Variants in CSMD1 observed in about 807,000 individuals in gnomAD.
CSMD1 encodes the protein CUB and sushi domain-containing protein 1.
A neutral mutation model predicts 417.5 loss-of-function variants in CSMD1; 213 were observed. The observed-to-expected ratio is 0.51, with a 90% CI of 0.46 to 0.57. The LOEUF is 0.57. CSMD1 is among the 20% of genes least tolerant of loss of function. The pLI, the probability that CSMD1 is intolerant of heterozygous loss-of-function variation, is 0.00. For missense variants in CSMD1, 6,923 were observed against 4,529.7 expected (o/e 1.53, Z -15.17); for synonymous variants, 2,862 against 1,736.8 (o/e 1.65, Z -16.11).
chr8:3,204,732 G>C (rs138767209), intron 31 of CSMD1, among the ~76,000 whole-genome samples: 1,837 of 152,332 alleles, frequency 0.012, 41 homozygotes, highest in African/African-American at 0.041. Context: ...TATATGCAGA[G>C]TGAGTGCTGT....
chr8:4,827,049 CAGACTAAGAACAGGGAAAAAAATTA>C (rs1389526301), intron 1 of CSMD1, among the ~76,000 whole-genome samples: 1 of 152,014 alleles, frequency 6.6e-6, no homozygotes, highest in Non-Finnish European at 1.5e-5. Flanking sequence ...GGATGGCTAA[CAGACTAAGAACAGGGAAAAAAATTA>C]AGTCCATGTT....
At chr8:4,684,203 A>T (rs1014668823) in intron 1 of CSMD1, among the ~76,000 whole-genome samples, 2 of 152,232 alleles carry the variant, frequency 1.3e-5, no homozygotes, top group Non-Finnish European at 2.9e-5. Flanking sequence ...GAATAAGGAC[A>T]CGAGAAGTTC....
chr8:3,127,979 AGAAG>A (rs1356051041), intron 41 of CSMD1: 1 of 125,404 alleles, frequency 8.0e-6, no homozygotes, highest in East Asian at 2.8e-4. Context: ...AGGGAAGGAA[AGAAG>A]GGAGGGAGGG....
At chr8:3,504,838 G>A (rs57010698) in intron 10 of CSMD1, among the ~76,000 whole-genome samples, 5 of 152,126 alleles carry the variant, frequency 3.3e-5, no homozygotes, top group African/African-American at 1.2e-4. Context: ...CAAGAGAGTA[G>A]CAAGTTGAGA....
At position 4,378,801 on chromosome 8, in the gene CSMD1, A is replaced by T. The variant is rs182554996; in HGVS notation, c.415+41152T>A. Reference sequence around the variant, plus strand: ...GGGATTACTGCCCTTGTAAGACGTCAAGGGAGCTTTTTCCCCTTCTGCCAT... The same window carrying T: ...GGGATTACTGCCCTTGTAAGACGTCTAGGGAGCTTTTTCCCCTTCTGCCAT... On this transcript the variant is annotated intron_variant, in intron 3 of 69. Coordinates refer to ENST00000635120, the MANE Select transcript of CSMD1 (RefSeq NM_033225.6). 2.5e-3 allele frequency among the ~76,000 whole-genome samples: 380 copies of T among 152,216 alleles called. 1 individual carries two copies. The highest frequency in any genetic ancestry group is 8.8e-3 in the African/African-American group (365 of 41,542).
chr8:4,405,822 C>G lies in CSMD1; in HGVS notation c.415+14131G>C, dbSNP rs569304312. 2.6e-5 allele frequency among the ~76,000 whole-genome samples: 4 copies of G among 152,278 alleles called. No homozygotes were observed. The South Asian group carries it at 8.3e-4, about 32-fold the overall frequency. On this transcript the variant is annotated intron_variant, in intron 3 of 69. Transcript: ENST00000635120. ...GACACATGCCCTGGGCGGAGCAGTG[C>G]GTGCCTCCAAGACACAGCTTAGAAG...
chr8:3,961,327 G>A (rs1812305530), intron 5 of CSMD1, among the ~76,000 whole-genome samples: 1 of 152,246 alleles, frequency 6.6e-6, no homozygotes, highest in Admixed American at 6.5e-5. Context: ...TTCAATTAAG[G>A]AAACATTTTT....
intron 5 of CSMD1, among the ~76,000 whole-genome samples, chr8:3,976,247 T>G (rs1256360627): frequency 6.6e-6 from 1 of 152,228 alleles, no homozygotes; most frequent in Non-Finnish European, 1.5e-5. Context: ...ATTTTAAAAA[T>G]TATTTAAAAA....
chr8:3,629,389 T>C (rs549698201), intron 7 of CSMD1, among the ~76,000 whole-genome samples: 21 of 152,334 alleles, frequency 1.4e-4, no homozygotes, highest in African/African-American at 2.2e-4. Flanking sequence ...TAGTTACATA[T>C]AGTTATTGTT....
At chr8:3,308,852 TAGCTGGGATTAC>T (rs1351387083) in intron 23 of CSMD1, among the ~76,000 whole-genome samples, 1 of 150,576 alleles carries the variant, frequency 6.6e-6, no homozygotes, top group Non-Finnish European at 1.5e-5. Context: ...GCCTCCCAGG[TAGCTGGGATTAC>T]AGGTGCCTGC....
intron 21 of CSMD1, among the ~76,000 whole-genome samples, chr8:3,349,351 G>C (rs117967253): frequency 0.035 from 5,327 of 152,252 alleles, 121 homozygotes; most frequent in Non-Finnish European, 0.056. Flanking sequence ...TAATCCACTT[G>C]CCAGCAGGAA....
At chr8:4,079,761 G>A (rs36067893) in intron 3 of CSMD1, among the ~76,000 whole-genome samples, 1 of 152,104 alleles carries the variant, frequency 6.6e-6, no homozygotes, top group East Asian at 1.9e-4. Flanking sequence ...AATAGTTTAT[G>A]CAATTAATAA....
chr8:4,163,746 T>C (rs1563208261), intron 3 of CSMD1, among the ~76,000 whole-genome samples: 2 of 152,204 alleles, frequency 1.3e-5, no homozygotes, highest in South Asian at 2.1e-4. Flanking sequence ...GTAGCACTAA[T>C]ACTGCTAAGC....
chr8:3,491,052 G>C (rs377298883), intron 11 of CSMD1, among the ~76,000 whole-genome samples: 2 of 152,120 alleles, frequency 1.3e-5, no homozygotes, highest in Non-Finnish European at 2.9e-5. Flanking sequence ...CAATGGAAAT[G>C]TTCCTGAAGG....
chr8:3,895,165 T>G (rs1807272930), intron 5 of CSMD1, among the ~76,000 whole-genome samples: 1 of 152,200 alleles, frequency 6.6e-6, no homozygotes. Context: ...AATCACTAAT[T>G]CAGAGACACC....
intron 5 of CSMD1, among the ~76,000 whole-genome samples, chr8:3,900,421 G>T: frequency 6.6e-6 from 1 of 151,564 alleles, no homozygotes; most frequent in Admixed American, 6.6e-5. Flanking sequence ...GCAGCTGGGT[G>T]ACAGTGTAGC....
intron 37 of CSMD1, among the ~76,000 whole-genome samples, chr8:3,171,526 G>C (rs1381273845): frequency 6.6e-6 from 1 of 152,114 alleles, no homozygotes; most frequent in African/African-American, 2.4e-5. Flanking sequence ...AGAGCCACTA[G>C]TCATTACTTA....
At chr8:3,893,897 A>T (rs1271157388) in intron 5 of CSMD1, among the ~76,000 whole-genome samples, 1 of 152,162 alleles carries the variant, frequency 6.6e-6, no homozygotes, top group African/African-American at 2.4e-5. Context: ...GATGTTAATG[A>T]GACATGCAAT....
intron 1 of CSMD1, among the ~76,000 whole-genome samples, chr8:4,733,978 T>G (rs1372287943): frequency 6.6e-6 from 1 of 152,326 alleles, no homozygotes; most frequent in South Asian, 2.1e-4. Flanking sequence ...CCCCTATGCA[T>G]GTGAAGTGAA....
Sources: allele counts gnomAD v4.1 joint callset (sites outside exome capture counted in the v4.1 genomes callset), GRCh38; gene constraint gnomAD v4.1.1; transcripts MANE v1.5; gene names NCBI Gene and HGNC (gene_info 2026-07-23, HGNC 2026-07-21).